KCNQ5: variants seen among roughly 807,000 people sequenced by gnomAD.
KCNQ5 encodes the protein potassium voltage-gated channel subfamily KQT member 5.
Under a neutral mutation model 98.2 loss-of-function variants are expected in KCNQ5, and 30 were observed. That is an observed-to-expected ratio of 0.31 (90% CI 0.23 to 0.41). KCNQ5 has a LOEUF of 0.41. KCNQ5 is among the 10% of genes least tolerant of loss of function. The pLI, the probability that KCNQ5 is intolerant of heterozygous loss-of-function variation, is 1.00. For missense variants in KCNQ5, 835 were observed against 1,182.5 expected (o/e 0.71, Z 4.31); for synonymous variants, 458 against 449.4 (o/e 1.02, Z -0.24).
chr6:72,789,459 A>C (rs1773920738), intron 1 of KCNQ5, among the ~76,000 whole-genome samples: 1 of 152,218 alleles, frequency 6.6e-6, no homozygotes, highest in Non-Finnish European at 1.5e-5. Flanking sequence ...ATCCTAAACC[A>C]AGAATTTTAG....
chr6:72,910,563 G>GTGTGTGTGTGT (rs1562062145), intron 1 of KCNQ5, among the ~76,000 whole-genome samples: 2 of 43,048 alleles, frequency 4.6e-5, no homozygotes, highest in African/African-American at 1.2e-4. Context: ...AAGGTAGGGG[G>GTGTGTGTGTGT]GTGTGTGTGT....
At chr6:72,747,233 C>T (rs1169141573) in intron 1 of KCNQ5, among the ~76,000 whole-genome samples, 1 of 152,106 alleles carries the variant, frequency 6.6e-6, no homozygotes, top group Non-Finnish European at 1.5e-5. Context: ...GAATATATCT[C>T]AAATATAATT....
At chr6:72,717,680 G>T (rs1379291005) in intron 1 of KCNQ5, among the ~76,000 whole-genome samples, 1 of 152,124 alleles carries the variant, frequency 6.6e-6, no homozygotes, top group African/African-American at 2.4e-5. Context: ...GGGGTGATAG[G>T]CACAACATAA....
intron 2 of KCNQ5, among the ~76,000 whole-genome samples, chr6:73,032,796 T>TTG (rs1298260696): frequency 1.2e-4 from 18 of 151,530 alleles, no homozygotes; most frequent in African/African-American, 4.1e-4. Context: ...TCAAACCAAT[T>TTG]AAGGTATAAA....
rs569610583 is a variant in KCNQ5, at chr6:72,682,916, T to A, written c.398+60329T>A. On this transcript the variant is annotated intron_variant, in intron 1 of 13. Coordinates refer to ENST00000370398, the MANE Select transcript of KCNQ5 (RefSeq NM_019842.4). The stretch of plus-strand genomic sequence containing the variant: ...GCTCCTCCAGGAGCCTCTTTACGTT[T>A]TTATGTTGAAAAGAGGAGCTGATCG... 1.2e-4 allele frequency among the ~76,000 whole-genome samples: 18 copies of A among 152,228 alleles called. No homozygotes were observed. In the East Asian group the frequency reaches 2.9e-3, roughly 25 times the overall value.
chr6:73,153,280 G>T (rs897095965), intron 10 of KCNQ5, among the ~76,000 whole-genome samples: 1 of 152,124 alleles, frequency 6.6e-6, no homozygotes. Context: ...CCAAAATTAT[G>T]TTGTTGTCAT....
chr6:73,062,625 C>A (rs1449150579), intron 3 of KCNQ5, among the ~76,000 whole-genome samples: 1 of 151,984 alleles, frequency 6.6e-6, no homozygotes, highest in Non-Finnish European at 1.5e-5. Flanking sequence ...AAAAATAGCC[C>A]CTTTGCCTCA....
intron 3 of KCNQ5, among the ~76,000 whole-genome samples, chr6:73,058,024 A>G (rs1044204453): frequency 6.6e-6 from 1 of 152,224 alleles, no homozygotes; most frequent in Non-Finnish European, 1.5e-5. Flanking sequence ...TGGTGCTGGG[A>G]TAACTGGCTA....
At chr6:73,054,844 A>G (rs1376344132) in intron 3 of KCNQ5, among the ~76,000 whole-genome samples, 2 of 152,192 alleles carry the variant, frequency 1.3e-5, no homozygotes, top group Non-Finnish European at 2.9e-5. Context: ...TCCTGGCCAG[A>G]GCAATCAGGC....
intron 1 of KCNQ5, among the ~76,000 whole-genome samples, chr6:72,866,907 C>T (rs1337993274): frequency 1.3e-5 from 2 of 152,180 alleles, no homozygotes; most frequent in African/African-American, 4.8e-5. Context: ...ATTTTAACCA[C>T]CTCCCCTTTA....
At chr6:73,120,431 TA>T in intron 7 of KCNQ5, 51 bp from the exon 8 acceptor site, 2 of 1,296,540 alleles carry the variant, frequency 1.5e-6, no homozygotes, top group South Asian at 1.3e-5. Flanking sequence ...TATTTTATTC[TA>T]AATCCTGCTC....
At chr6:73,172,101 G>A (rs901559879) in intron 11 of KCNQ5, among the ~76,000 whole-genome samples, 2 of 152,086 alleles carry the variant, frequency 1.3e-5, no homozygotes, top group Non-Finnish European at 2.9e-5. Flanking sequence ...ATTCTTTCTT[G>A]GTTCTTATTT....
intron 1 of KCNQ5, among the ~76,000 whole-genome samples, chr6:72,756,887 C>A (rs1366345153): frequency 3.3e-5 from 5 of 152,036 alleles, no homozygotes; most frequent in Non-Finnish European, 5.9e-5. Flanking sequence ...TAAAAACAAT[C>A]ATCTTTAATT....
intron 1 of KCNQ5, among the ~76,000 whole-genome samples, chr6:72,733,928 G>A (rs746020531): frequency 3.3e-5 from 5 of 152,152 alleles, no homozygotes; most frequent in Non-Finnish European, 7.4e-5. Context: ...AGTAATTCAG[G>A]TATAAGGTAG....
intron 2 of KCNQ5, among the ~76,000 whole-genome samples, chr6:73,038,983 T>C (rs565357976): frequency 6.6e-6 from 1 of 152,232 alleles, no homozygotes; most frequent in South Asian, 2.1e-4. Context: ...GACATTTCTG[T>C]TTGGGGAGAT....
At chr6:73,176,768 G>A (rs1196077081) in intron 11 of KCNQ5, among the ~76,000 whole-genome samples, 2 of 152,124 alleles carry the variant, frequency 1.3e-5, no homozygotes, top group Non-Finnish European at 2.9e-5. Flanking sequence ...CTGGCTTGAG[G>A]GGAGATGGTG....
intron 1 of KCNQ5, among the ~76,000 whole-genome samples, chr6:72,901,290 G>A (rs534499809): frequency 4.6e-5 from 7 of 152,020 alleles, no homozygotes; most frequent in Non-Finnish European, 8.8e-5. Context: ...ATTTTCTTCC[G>A]TTCTGTGGAT....
chr6:73,041,866 A>G, intron 2 of KCNQ5, 70 bp from the exon 3 acceptor site: 1 of 1,573,466 alleles, frequency 6.4e-7, no homozygotes. Context: ...GTCCAAAAAT[A>G]TGCATAGAGC....
chr6:72,828,626 C>G (rs748661966), intron 1 of KCNQ5, among the ~76,000 whole-genome samples: 4 of 151,768 alleles, frequency 2.6e-5, no homozygotes, highest in African/African-American at 4.8e-5. Context: ...TTTGGTAGAG[C>G]CTTTAATTTT....
Sources: allele counts gnomAD v4.1 joint callset (sites outside exome capture counted in the v4.1 genomes callset), GRCh38; gene constraint gnomAD v4.1.1; transcripts MANE v1.5; gene names NCBI Gene and HGNC (gene_info 2026-07-23, HGNC 2026-07-21).